HIVEP2: variants seen among roughly 807,000 people sequenced by gnomAD.
HIVEP2 encodes HIVEP zinc finger 2, also known as transcription factor HIVEP2.
HIVEP2 carries 14 observed loss-of-function variants against 180.7 expected under a neutral mutation model. The ratio of observed to expected loss-of-function variants is 0.08; its 90% CI spans 0.05 to 0.12. The LOEUF is 0.12. Ranked by LOEUF, HIVEP2 falls within the 10% of genes least tolerant of loss-of-function variation. The pLI is 1.00. For missense variants in HIVEP2, 2,579 were observed against 3,008.5 expected (o/e 0.86, Z 3.34); for synonymous variants, 1,184 against 1,136.4 (o/e 1.04, Z -0.84).
chr6:142,906,464 AC>A (rs148610283), intron 1 of HIVEP2, among the ~76,000 whole-genome samples: 3,458 of 152,100 alleles, frequency 0.023, 57 homozygotes, highest in Non-Finnish European at 0.038. Flanking sequence ...AAATAAAGAA[AC>A]CTCTTTAATT....
intron 1 of HIVEP2, among the ~76,000 whole-genome samples, chr6:142,902,050 C>T (rs1777145891): frequency 6.6e-6 from 1 of 152,038 alleles, no homozygotes; most frequent in Admixed American, 6.6e-5. Context: ...TCCATGAGTC[C>T]ACACCAAAGT....
chr6:142,842,088 T>C (rs1325232164), intron 1 of HIVEP2, among the ~76,000 whole-genome samples: 1 of 152,122 alleles, frequency 6.6e-6, no homozygotes, highest in Admixed American at 6.6e-5. Flanking sequence ...TTCTATTCCT[T>C]AGAATATTTA....
intron 1 of HIVEP2, among the ~76,000 whole-genome samples, chr6:142,869,671 T>G (rs1287264610): frequency 6.6e-6 from 1 of 152,122 alleles, no homozygotes; most frequent in Non-Finnish European, 1.5e-5. Context: ...GAAATAAATG[T>G]AAAAGTGTAT....
intron 1 of HIVEP2, among the ~76,000 whole-genome samples, chr6:142,883,426 C>G (rs532319450): frequency 1.3e-5 from 2 of 152,050 alleles, no homozygotes; most frequent in Non-Finnish European, 2.9e-5. Flanking sequence ...ACAGTGCAAT[C>G]AACAGACAAG....
chr6:142,804,285 A>G (rs1776490760), intron 2 of HIVEP2, among the ~76,000 whole-genome samples: 1 of 152,152 alleles, frequency 6.6e-6, no homozygotes, highest in Non-Finnish European at 1.5e-5. Flanking sequence ...CCAGTACTAA[A>G]GTAGATTGAT....
chr6:142,944,348 G>A (rs560132189), intron 1 of HIVEP2, among the ~76,000 whole-genome samples: 2 of 139,646 alleles, frequency 1.4e-5, no homozygotes, highest in Non-Finnish European at 3.1e-5. Context: ...GTAGCAGAGC[G>A]GATCTGGAGT....
At position 142,818,699 on chromosome 6, in the gene HIVEP2, GAAAGAAAGAAAGAAAGAAAGA is replaced by G. The variant is rs1562248992; in HGVS notation, c.-528+18215_-528+18235del. On this transcript the variant is annotated intron_variant, in intron 2 of 9. Coordinates refer to ENST00000367603, the MANE Select transcript of HIVEP2 (RefSeq NM_006734.4). Reference sequence around the variant, plus strand: ...AAAAGAAAGAGAGAGAGACAAGAAAGAAAGAAAGAAAGAAAGAAAGAAAAGAAAGAAAGAAAAGAAAGAAAG... The same window carrying G: ...AAAAGAAAGAGAGAGAGACAAGAAAGAAAGAAAGAAAGAAAAGAAAGAAAG... Among the ~76,000 whole-genome samples the G allele has an allele frequency of 6.4e-3, 99 of 15,440 alleles. 4 individuals carry two copies. The highest frequency in any genetic ancestry group is 0.018 in the African/African-American group (88 of 4,870). 10.1% of individuals were successfully genotyped at this position (15,440 alleles called of 152,430 possible).
intron 1 of HIVEP2, among the ~76,000 whole-genome samples, chr6:142,840,642 T>G (rs1161560480): frequency 6.6e-6 from 1 of 152,142 alleles, no homozygotes; most frequent in Non-Finnish European, 1.5e-5. Flanking sequence ...CCATATGATA[T>G]TCCATAAAGC....
chr6:142,822,740 A>G lies in HIVEP2; in HGVS notation c.-528+14195T>C, dbSNP rs140919974. Among the ~76,000 whole-genome samples, 181 of 152,328 alleles carry G rather than the reference A, an allele frequency of 1.2e-3. 1 individual carries two copies. Among genetic ancestry groups the G allele is most frequent in the African/African-American group, 4.3e-3 (178 of 41,568 alleles). ...GGCTCCCTCCACAGAGAAGATTCACAAAGAGAAATAAAGCAATTCCTATTC... is the reference window on the plus strand; with the variant it reads ...GGCTCCCTCCACAGAGAAGATTCACGAAGAGAAATAAAGCAATTCCTATTC... On this transcript the variant is annotated intron_variant, in intron 2 of 9. Coordinates refer to ENST00000367603, the MANE Select transcript of HIVEP2 (RefSeq NM_006734.4).
intron 2 of HIVEP2, among the ~76,000 whole-genome samples, chr6:142,802,722 T>TAAGGGAATATCATGGAGAG (rs1375867693): frequency 6.6e-6 from 1 of 151,952 alleles, no homozygotes; most frequent in Non-Finnish European, 1.5e-5. Context: ...CACTCCCTAA[T>TAAGGGAATATCATGGAGAG]AAGGGAATAT....
chr6:142,932,120 G>A (rs749466934), intron 1 of HIVEP2, among the ~76,000 whole-genome samples: 1 of 151,994 alleles, frequency 6.6e-6, no homozygotes, highest in Non-Finnish European at 1.5e-5. Flanking sequence ...TTTAATTACC[G>A]CTTCACTTAC....
In HIVEP2 at chr6:142,760,256, G is replaced by A; in HGVS notation, c.6032C>T (p.Pro2011Leu). The A allele has an allele frequency of 1.9e-6, 3 of 1,614,098 alleles. No individual in the cohort carries two copies. Among genetic ancestry groups the A allele is most frequent in the Non-Finnish European group, 2.5e-6 (3 of 1,180,002 alleles). The change falls in exon 9 of 10, where the codon CCA (proline) becomes CTA (leucine). Residue 2011 changes from proline to leucine, a missense_variant. By Grantham distance (98) the Pro-to-Leu change is moderately conservative. Coordinates refer to ENST00000367603, the MANE Select transcript of HIVEP2 (RefSeq NM_006734.4). ...LFQSKSTDSE[P>L]DKDRLDIPSC... ...AGGTATGTCCAATCTGTCTTTGTCT[G>A]GTTCTGAGTCCGTACTTTTGCTCTG...
chr6:142,932,991 C>T (rs777165128), intron 1 of HIVEP2, among the ~76,000 whole-genome samples: 1 of 151,974 alleles, frequency 6.6e-6, no homozygotes, highest in Non-Finnish European at 1.5e-5. Context: ...TAAGAGATGC[C>T]CTAAATAAGG....
Position 142,759,818 on chromosome 6 carries a change from G to A in HIVEP2, c.6470C>T (p.Ser2157Phe). 6.2e-7 allele frequency: 1 copy of A among 1,613,064 alleles called. No homozygotes were observed. Among genetic ancestry groups the A allele is most frequent in the Non-Finnish European group, 8.5e-7 (1 of 1,179,418 alleles). The change falls in exon 9 of 10, where the codon TCC becomes TTC. Residue 2157 changes from serine (S) to phenylalanine (F), a missense_variant. Transcript: ENST00000367603. ...CTCTGCTTGCAAATACTGTCCCATG[G>A]ACAATGGTGGGTTATGGTATAAAGC... ...RRALYHNPPL[S>F]MGQYLQAEPI...
At chr6:142,844,084 C>G (rs1460059639) in intron 1 of HIVEP2, among the ~76,000 whole-genome samples, 1 of 152,182 alleles carries the variant, frequency 6.6e-6, no homozygotes, top group African/African-American at 2.4e-5. Flanking sequence ...CCATTCTTCT[C>G]TTTCCTCCCA....
At chr6:142,849,050 T>C (rs1282487992) in intron 1 of HIVEP2, among the ~76,000 whole-genome samples, 1 of 152,260 alleles carries the variant, frequency 6.6e-6, no homozygotes, top group Non-Finnish European at 1.5e-5. Flanking sequence ...TCAATATCTA[T>C]AATTTGCTAT....
At chr6:142,812,155 AAATACC>A (rs1776715587) in intron 2 of HIVEP2, among the ~76,000 whole-genome samples, 1 of 152,214 alleles carries the variant, frequency 6.6e-6, no homozygotes, top group African/African-American at 2.4e-5. Context: ...TCACAGGGTG[AAATACC>A]AGGGAGGACA....
At position 142,752,188 on chromosome 6, in the gene HIVEP2, C is replaced by T. The variant is rs1327803656; in HGVS notation, c.*919G>A. ...TACATAAAATTGTACCAGTGATGCA[C>T]TTGTACATATTTACATGGGGTGGAA... On this transcript the variant is annotated 3_prime_UTR_variant, in exon 10 of 10. Coordinates refer to ENST00000367603, the MANE Select transcript of HIVEP2 (RefSeq NM_006734.4). The T allele has an allele frequency of 6.6e-6, 1 of 152,644 alleles. No homozygotes were observed. The highest frequency in any genetic ancestry group is 1.5e-5 in the Non-Finnish European group (1 of 68,044). 9.5% of individuals were successfully genotyped at this position (152,644 alleles called of 1,614,324 possible).
intron 2 of HIVEP2, among the ~76,000 whole-genome samples, chr6:142,805,232 A>G (rs1468017661): frequency 6.6e-6 from 1 of 152,102 alleles, no homozygotes; most frequent in African/African-American, 2.4e-5. Flanking sequence ...AGGGCCTGGT[A>G]TGTGACCCTG....
Sources: allele counts gnomAD v4.1 joint callset (sites outside exome capture counted in the v4.1 genomes callset), GRCh38; gene constraint gnomAD v4.1.1; transcripts MANE v1.5; gene names NCBI Gene and HGNC (gene_info 2026-07-23, HGNC 2026-07-21).